Variants in ZFPM2 observed in about 807,000 individuals in gnomAD.
ZFPM2 encodes the protein zinc finger protein, FOG family member 2.
Under a neutral mutation model 98.6 loss-of-function variants are expected in ZFPM2, and 20 were observed. That is an observed-to-expected ratio of 0.20 (90% confidence interval 0.14 to 0.29). The LOEUF (loss-of-function observed/expected upper bound fraction) is 0.29, where lower values mean the gene tolerates loss of function less well. Ranked by LOEUF, ZFPM2 falls within the 10% of genes least tolerant of loss-of-function variation. The pLI, the probability that ZFPM2 is intolerant of heterozygous loss-of-function variation, is 1.00. For synonymous variants in ZFPM2, 518 were observed against 502.7 expected, an observed-to-expected ratio of 1.03 and a Z score of -0.41; for missense variants, 1,310 against 1,388.6, an observed-to-expected ratio of 0.94 and a Z score of 0.90.
intron 5 of ZFPM2, among the ~76,000 whole-genome samples, chr8:105,713,421 G>C (rs1196062414): frequency 6.6e-6 from 1 of 152,004 alleles, no homozygotes; most frequent in Non-Finnish European, 1.5e-5. Flanking sequence ...CTGGGCATTA[G>C]TCCTTTGTCA....
chr8:105,572,360 A>C (rs1815376488), intron 4 of ZFPM2, among the ~76,000 whole-genome samples: 1 of 151,968 alleles, frequency 6.6e-6, no homozygotes, highest in South Asian at 2.1e-4. Context: ...CTAATAAGAG[A>C]ATAATAAAGT....
rs1318426314 is a variant in ZFPM2 at position 105,384,678 on chromosome 8, A to G, written c.41-34466A>G. Among the ~76,000 whole-genome samples, 4 of 152,060 alleles carry G rather than the reference A, an allele frequency of 2.6e-5. No individual in the cohort carries two copies. The East Asian group carries it at 7.7e-4, about 29-fold the overall frequency. ...TTGGAGCAAGAGCTTTGACAAGAAG[A>G]AAGAGGAAATTCAAAGGAATGCTAA... is the stretch of plus-strand genomic sequence containing the variant. On this transcript the variant is annotated intron_variant, in intron 1 of 7. Coordinates refer to ENST00000407775, the MANE Select transcript of ZFPM2 (RefSeq NM_012082.4).
chr8:105,693,660 A>G lies in ZFPM2; in HGVS notation c.532+59303A>G, dbSNP rs368041532. Among the ~76,000 whole-genome samples, 325 of 152,290 alleles carry G rather than the reference A, an allele frequency of 2.1e-3. 3 individuals are homozygous for G. Among genetic ancestry groups the G allele is most frequent in the African/African-American group, 7.4e-3 (307 of 41,564 alleles). On this transcript the variant is annotated intron_variant, in intron 5 of 7. Transcript: ENST00000407775. Reference sequence around the variant, plus strand: ...AAATTTTTTTGAATTCCAATAGGCCATATATTTTCTATATGGACAGCTGTA... The same window carrying G: ...AAATTTTTTTGAATTCCAATAGGCCGTATATTTTCTATATGGACAGCTGTA...
chr8:105,454,105 A>G (rs897521645), intron 3 of ZFPM2, among the ~76,000 whole-genome samples: 7 of 152,164 alleles, frequency 4.6e-5, no homozygotes, highest in East Asian at 3.8e-4. Context: ...TCAGGATTCA[A>G]TAAAGATCCA....
chr8:105,653,756 C>T (rs2130873308), intron 5 of ZFPM2, among the ~76,000 whole-genome samples: 1 of 147,404 alleles, frequency 6.8e-6, no homozygotes, highest in East Asian at 2.0e-4. Context: ...ATGTTAGAGG[C>T]AAATAGAAAA....
intron 1 of ZFPM2, among the ~76,000 whole-genome samples, chr8:105,392,633 C>A (rs1249015240): frequency 6.6e-6 from 1 of 152,132 alleles, no homozygotes; most frequent in Non-Finnish European, 1.5e-5. Flanking sequence ...GAGATGAATA[C>A]TTAAAAAATA....
chr8:105,580,463 C>T (rs181761951), intron 4 of ZFPM2, among the ~76,000 whole-genome samples: 5 of 152,192 alleles, frequency 3.3e-5, no homozygotes, highest in Admixed American at 1.3e-4. Flanking sequence ...ATGGTAGGCT[C>T]ATGTCCATGT....
intron 4 of ZFPM2, 65 bp from the exon 5 acceptor site, chr8:105,634,181 G>A: frequency 1.7e-6 from 2 of 1,207,526 alleles, no homozygotes; most frequent in South Asian, 1.3e-5. Flanking sequence ...GATTAGTACA[G>A]TTATTATTCA....
chr8:105,344,106 G>A lies in ZFPM2; in HGVS notation c.40+25125G>A, dbSNP rs139733580. On this transcript the variant is annotated intron_variant, in intron 1 of 7. Transcript: ENST00000407775. ...TCTCATGAGACGTATTCACTATCAC[G>A]AGAACAGTACAGGAAAGACCCGCCC... 4.9e-3 allele frequency among the ~76,000 whole-genome samples: 752 copies of A among 152,094 alleles called. 6 individuals are homozygous for A. Among genetic ancestry groups the A allele is most frequent in the African/African-American group, 0.017 (696 of 41,494 alleles).
chr8:105,789,053 T>C, intron 6 of ZFPM2, 129 bp downstream of exon 6: 1 of 748,190 alleles, frequency 1.3e-6, no homozygotes, highest in South Asian at 3.0e-5. Context: ...TTTATCTTTT[T>C]TCTTTTTAAA....
intron 5 of ZFPM2, among the ~76,000 whole-genome samples, chr8:105,786,278 A>C (rs1268505718): frequency 6.6e-6 from 1 of 152,130 alleles, no homozygotes; most frequent in African/African-American, 2.4e-5. Context: ...TAACTTCTCC[A>C]AGAAGTGTCA....
intron 3 of ZFPM2, among the ~76,000 whole-genome samples, chr8:105,540,918 A>C (rs756566440): frequency 5.9e-5 from 9 of 152,094 alleles, no homozygotes; most frequent in Non-Finnish European, 8.8e-5. Flanking sequence ...ATGTTTATGA[A>C]TGTGAATTTA....
At chr8:105,722,242 C>T (rs1811685161) in intron 5 of ZFPM2, among the ~76,000 whole-genome samples, 1 of 151,748 alleles carries the variant, frequency 6.6e-6, no homozygotes, top group African/African-American at 2.4e-5. Flanking sequence ...TAAAGAATAA[C>T]TTAATTCTTT....
intron 1 of ZFPM2, among the ~76,000 whole-genome samples, chr8:105,405,959 A>C (rs1341449007): frequency 6.6e-6 from 1 of 152,080 alleles, no homozygotes; most frequent in Admixed American, 6.6e-5. Flanking sequence ...CTGACTTTTT[A>C]ATGATCGCCA....
chr8:105,785,731 C>CCAT (rs1813395528), intron 5 of ZFPM2, among the ~76,000 whole-genome samples: 2 of 151,982 alleles, frequency 1.3e-5, no homozygotes, highest in South Asian at 2.1e-4. Context: ...TAGTGAGACT[C>CCAT]CATCTCTACA....
intron 3 of ZFPM2, among the ~76,000 whole-genome samples, chr8:105,534,878 A>G (rs1268553441): frequency 6.6e-6 from 1 of 152,162 alleles, no homozygotes; most frequent in Non-Finnish European, 1.5e-5. Context: ...TGCGGAGAAC[A>G]TATTGGGGGG....
chr8:105,341,387 C>T lies in ZFPM2; in HGVS notation c.40+22406C>T, dbSNP rs190596975. 4.0e-5 allele frequency among the ~76,000 whole-genome samples: 6 copies of T among 151,696 alleles called. No individual in the cohort carries two copies. The East Asian group carries it at 1.2e-3, about 29-fold the overall frequency. On this transcript the variant is annotated intron_variant, in intron 1 of 7. Transcript: ENST00000407775. Reference sequence around the variant, plus strand: ...AGTGAATTTCTATCACAAAATATTGCATTATGATATTATACAATATATGTA... The same window carrying T: ...AGTGAATTTCTATCACAAAATATTGTATTATGATATTATACAATATATGTA...
At chr8:105,408,401 A>G (rs1811506894) in intron 1 of ZFPM2, among the ~76,000 whole-genome samples, 2 of 151,850 alleles carry the variant, frequency 1.3e-5, no homozygotes, top group Non-Finnish European at 2.9e-5. Context: ...CACTTGTAAT[A>G]AAGTTCCGTG....
intron 5 of ZFPM2, among the ~76,000 whole-genome samples, chr8:105,675,382 T>C (rs1323351962): frequency 6.6e-6 from 1 of 152,146 alleles, no homozygotes; most frequent in Non-Finnish European, 1.5e-5. Flanking sequence ...GGGAAAGTTA[T>C]TCAGAAGACC....
Sources: allele counts gnomAD v4.1 joint callset (sites outside exome capture counted in the v4.1 genomes callset), GRCh38; gene constraint gnomAD v4.1.1; transcripts MANE v1.5; gene names NCBI Gene and HGNC (gene_info 2026-07-23, HGNC 2026-07-21).